ARAP1: variants seen among roughly 807,000 people sequenced by gnomAD.
ARAP1 encodes the protein arf-GAP with Rho-GAP domain, ANK repeat and PH domain-containing protein 1.
Under a neutral mutation model 172.2 loss-of-function variants are expected in ARAP1, and 76 were observed. The observed-to-expected ratio is 0.44, with a 90% CI of 0.37 to 0.53. The LOEUF is 0.53. Ranked by LOEUF, ARAP1 falls within the 20% of genes least tolerant of loss-of-function variation. The pLI is 0.00. For missense variants in ARAP1, 1,686 were observed against 1,977.5 expected (o/e 0.85, Z 2.80); for synonymous variants, 804 against 803.3 (o/e 1.00, Z -0.01).
At position 72,725,119 on chromosome 11, in the gene ARAP1, C is replaced by G. The variant is rs919331991; in HGVS notation, c.509+1501G>C. 6.6e-6 allele frequency among the ~76,000 whole-genome samples: 1 copy of G among 152,154 alleles called. No individual in the cohort carries two copies. The highest frequency in any genetic ancestry group is 1.5e-5 in the Non-Finnish European group (1 of 68,014). On this transcript the variant is annotated intron_variant, in intron 3 of 34. Transcript: ENST00000393609. The surrounding 1 kb of genome is among the most constrained non-coding windows in gnomAD (Gnocchi z 4.3). Reference sequence around the variant, plus strand: ...GAGTCACAAAGCTAGCTGGGCCCGACCCAGGCATCCTGCCTCCCAAGCAGG... The same window carrying G: ...GAGTCACAAAGCTAGCTGGGCCCGAGCCAGGCATCCTGCCTCCCAAGCAGG...
chr11:72,711,615 A>G, intron 7 of ARAP1, 116 bp from the exon 8 acceptor site: 1 of 817,794 alleles, frequency 1.2e-6, no homozygotes, highest in Non-Finnish European at 2.0e-6. Flanking sequence ...TCTAGGGAGG[A>G]AGAATCCCAA....
chr11:72,722,638 G>C (rs1186019413), intron 3 of ARAP1, among the ~76,000 whole-genome samples: 2 of 152,210 alleles, frequency 1.3e-5, no homozygotes, highest in Non-Finnish European at 2.9e-5. Flanking sequence ...CTGGACTGCA[G>C]GGCAGTCAAG....
In ARAP1 at chr11:72,687,470, C is replaced by T. The variant is rs541820031; in HGVS notation, c.4154G>A (p.Arg1385Gln). The T allele has an allele frequency of 1.9e-5, 31 of 1,614,136 alleles. No individual in the cohort carries two copies. In the African/African-American group the frequency reaches 2.1e-4, roughly 11 times the overall value. Residue 1385 changes from arginine (R) to glutamine (Q), a missense_variant, in exon 33 of 35, where the codon CGG (arginine) becomes CAG (glutamine). Around this residue, in one of 5 missense-constraint regions of ARAP1, gnomAD observed 379 missense variants for 500.1 expected, o/e 0.76. Transcript: ENST00000393609. The part of the protein sequence containing the change: ...YLCCDTQMEL[R>Q]EWFATFLFVQ... ...AAACAGAAAGGTAGCGAACCACTCC[C>T]GGAGCTCCATCTGTGTGTCACAGCA...
chr11:72,722,302 C>T (rs1403849714), intron 3 of ARAP1: 10 of 985,684 alleles, frequency 1.0e-5, no homozygotes, highest in Non-Finnish European at 1.2e-5. Context: ...TCTCCCCCAC[C>T]TCCTGCAGCC....
chr11:72,698,163 G>A lies in ARAP1; in HGVS notation c.2542-57C>T, dbSNP rs1439748162. 1.3e-5 allele frequency: 19 copies of A among 1,495,842 alleles called. No homozygotes were observed. The East Asian group carries it at 1.5e-4, about 12-fold the overall frequency. The allele number at this position is 1,495,842 out of a possible 1,614,324, so 92.7% of individuals were successfully genotyped here. On this transcript the variant is annotated intron_variant, in intron 18 of 34. Coordinates refer to ENST00000393609, the MANE Select transcript of ARAP1 (RefSeq NM_001040118.3). Reference sequence around the variant, plus strand: ...AGCCAACGGCACTGCCTGCCCCAATGCCCCAGCTCCTTGGCTTACAGGCAC... The same window carrying A: ...AGCCAACGGCACTGCCTGCCCCAATACCCCAGCTCCTTGGCTTACAGGCAC...
At chr11:72,743,419 C>T (rs895437937) in intron 1 of ARAP1, among the ~76,000 whole-genome samples, 44 of 151,890 alleles carry the variant, frequency 2.9e-4, no homozygotes, top group Admixed American at 2.7e-3. Context: ...TGAGCCACAG[C>T]AGCTGTGGCT....
chr11:72,726,728 G>A lies in ARAP1; in HGVS notation c.401C>T (p.Thr134Ile), dbSNP rs1857703394. The change falls in exon 3 of 35, where the codon ACA becomes ATA. Residue 134 changes from threonine to isoleucine, a missense_variant. By Grantham distance (89) the Thr-to-Ile change is moderately conservative. This residue lies in a region of ARAP1 where 190 missense variants were observed against 228.6 expected (regional missense o/e 0.83). Transcript: ENST00000393609. This position sits in a 1 kb window ranked among gnomAD's most constrained non-coding sequence, Gnocchi z 6.5. ...GGGCAGCACAGGGTCTGGGGCAGCT[G>A]TGGATGGGGTGGTGAAGCAGGTGGG... ...LPPTCFTTPS[T>I]AAPDPVLPPL... 1.9e-6 allele frequency: 3 copies of A among 1,548,914 alleles called. No individual in the cohort carries two copies. The highest frequency in any genetic ancestry group is 1.4e-5 in the African/African-American group (1 of 72,942).
chr11:72,718,676 G>A (rs568807207), intron 3 of ARAP1, among the ~76,000 whole-genome samples: 22 of 152,228 alleles, frequency 1.4e-4, no homozygotes, highest in African/African-American at 4.8e-4. Context: ...TAGGCACCCC[G>A]GGCAGCTAAG....
At chr11:72,698,613 C>T (rs554736100) in intron 18 of ARAP1, among the ~76,000 whole-genome samples, 32 of 152,290 alleles carry the variant, frequency 2.1e-4, no homozygotes, top group Admixed American at 1.7e-3. Context: ...TGGCTCTAGT[C>T]CCCGAGGCAG....
intron 23 of ARAP1, among the ~76,000 whole-genome samples, chr11:72,696,235 T>TA (rs1249342213): frequency 6.6e-6 from 1 of 152,088 alleles, no homozygotes; most frequent in Non-Finnish European, 1.5e-5. Context: ...CGGTTCACAA[T>TA]AGAGTTCCGA....
intron 2 of ARAP1, among the ~76,000 whole-genome samples, chr11:72,729,755 TA>T (rs140222881): frequency 1.1e-4 from 16 of 147,384 alleles, no homozygotes; most frequent in South Asian, 4.3e-4. Context: ...CTGTCTCTAC[TA>T]AAAAAAAAAC....
chr11:72,695,514 A>G lies in ARAP1; in HGVS notation c.3507+28T>C. On this transcript the variant is annotated intron_variant, in intron 25 of 34. Transcript: ENST00000393609. This position sits in a 1 kb window ranked among gnomAD's most constrained non-coding sequence, Gnocchi z 4.4. ...GAAATGGGTGCAGGTGGCAGGTCCA[A>G]GCCCCCCACCCAGGCTCCAGCCTTC... The G allele has an allele frequency of 6.2e-7, 1 of 1,614,116 alleles. No homozygotes were observed. The highest frequency in any genetic ancestry group is 8.5e-7 in the Non-Finnish European group (1 of 1,180,018).
intron 1 of ARAP1, among the ~76,000 whole-genome samples, chr11:72,742,664 A>G (rs1162521438): frequency 6.6e-6 from 1 of 152,194 alleles, no homozygotes; most frequent in Non-Finnish European, 1.5e-5. Flanking sequence ...GTGATGGAGC[A>G]CACTGTGACA....
In ARAP1 at chr11:72,692,789, T is replaced by C. The variant is rs770224321; in HGVS notation, c.3955-4A>G. The C allele has an allele frequency of 6.2e-7, 1 of 1,613,526 alleles. No individual in the cohort carries two copies. Among genetic ancestry groups the C allele is most frequent in the East Asian group, 2.2e-5 (1 of 44,874 alleles). Reference sequence around the variant, plus strand: ...CCCCGCTCCACGGCCTCTGGCTCTGTTTGATAGAGGATCAGGGTTATGGAA... The same window carrying C: ...CCCCGCTCCACGGCCTCTGGCTCTGCTTGATAGAGGATCAGGGTTATGGAA... On this transcript the variant is annotated splice_polypyrimidine_tract_variant and splice_region_variant and intron_variant, in intron 29 of 34. Coordinates refer to ENST00000393609, the MANE Select transcript of ARAP1 (RefSeq NM_001040118.3).
chr11:72,713,935 A>G (rs996689294), intron 4 of ARAP1, among the ~76,000 whole-genome samples: 13 of 151,878 alleles, frequency 8.6e-5, no homozygotes, highest in African/African-American at 2.7e-4. Flanking sequence ...ATGGCCCCAC[A>G]CTTAACGGTC....
intron 11 of ARAP1, among the ~76,000 whole-genome samples, chr11:72,709,045 CAAAAAAA>C (rs34249967): frequency 2.0e-5 from 1 of 50,304 alleles, no homozygotes; most frequent in Non-Finnish European, 4.5e-5. Context: ...TCTCAAAAAG[CAAAAAAA>C]AAAAAAAAAA....
chr11:72,698,632 C>A (rs534282951), intron 18 of ARAP1, among the ~76,000 whole-genome samples: 3 of 152,200 alleles, frequency 2.0e-5, no homozygotes, highest in Non-Finnish European at 4.4e-5. Flanking sequence ...AGAGCTCTCC[C>A]GGTGGCCTCC....
At chr11:72,703,418 G>GGGGCGGT (rs1856601722) in intron 14 of ARAP1, 1 of 147,894 alleles carries the variant, frequency 6.8e-6, no homozygotes, top group Non-Finnish European at 1.4e-5. Context: ...CGGGGGGGGG[G>GGGGCGGT]TGTGCTTTGT....
In ARAP1 at chr11:72,713,243, T is replaced by C. The variant is rs752969144; in HGVS notation, c.680A>G (p.Asp227Gly). 1 of 1,612,894 alleles carries C rather than the reference T, an allele frequency of 6.2e-7. No individual in the cohort carries two copies. The highest frequency in any genetic ancestry group is 1.1e-5 in the South Asian group (1 of 90,836). The change falls in exon 5 of 35, where the codon GAT (aspartate) becomes GGT (glycine). Residue 227 changes from aspartate to glycine, a missense_variant and splice_region_variant. Physicochemically the swap from Asp to Gly is moderately conservative, Grantham distance 94. Transcript: ENST00000393609. ...PKPVRLFPEF[D>G]DSDYDEVPEE... ...TGGGACCTCATCGTAGTCAGAGTCA[T>C]CTGGTGAGAGAGGGGTTGGGGGGCC...
Sources: allele counts gnomAD v4.1 joint callset (sites outside exome capture counted in the v4.1 genomes callset), GRCh38; gene constraint gnomAD v4.1.1; regional missense constraint gnomAD v4.1.1; non-coding constraint Gnocchi (gnomAD v3.1); transcripts MANE v1.5; gene names NCBI Gene and HGNC (gene_info 2026-07-23, HGNC 2026-07-21).